IL21: variants seen among roughly 807,000 people sequenced by gnomAD.
The protein encoded by IL21 is interleukin-21.
IL21 carries 3 observed loss-of-function variants against 18.4 expected under a neutral mutation model. That is an observed-to-expected ratio of 0.16 (90% confidence interval 0.07 to 0.42). The LOEUF (loss-of-function observed/expected upper bound fraction) is 0.42. Ranked by LOEUF, IL21 falls within the 10% of genes least tolerant of loss-of-function variation. The pLI, the probability that IL21 is intolerant of heterozygous loss-of-function variation, is 0.99. For synonymous variants in IL21, 37 were observed against 62.0 expected (o/e 0.60, Z 1.90); for missense variants, 130 against 188.4 (o/e 0.69, Z 1.81).
rs1255423464 is a variant in IL21, at chr4:122,612,008, A to T, written c.*702T>A. On this transcript the variant is annotated 3_prime_UTR_variant, in exon 5 of 5. Coordinates refer to ENST00000648588, the MANE Select transcript of IL21 (RefSeq NM_021803.4). ...GCTTAAAATGTTAGCTTATAAGGGG[A>T]CTGGGGGCTGGAGGAAGGTAATATT... Among the ~76,000 whole-genome samples the T allele has an allele frequency of 6.6e-6, 1 of 152,054 alleles. No individual in the cohort carries two copies. Among genetic ancestry groups the T allele is most frequent in the African/African-American group, 2.4e-5 (1 of 41,434 alleles).
In IL21 at chr4:122,620,973, G is replaced by A. The variant is rs768983768; in HGVS notation, c.39C>T (p.Ile13=). The A allele has an allele frequency of 1.9e-6, 3 of 1,613,902 alleles. No homozygotes were observed. The highest frequency in any genetic ancestry group is 2.5e-6 in the Non-Finnish European group (3 of 1,179,902). The change falls in exon 1 of 5, where the codon ATC becomes ATT. Residue 13 remains isoleucine, a synonymous_variant. Transcript: ENST00000648588. ...TCCCCAAGAAGATGACCATCAGACA[G>A]ATGACAATCCTCTCCATGTTGCCAG... ...SSPGNMERIV[I]CLMVIFLGTL...
chr4:122,614,732 ATTTAT>A (rs1159919227), intron 3 of IL21, among the ~76,000 whole-genome samples: 1 of 152,020 alleles, frequency 6.6e-6, no homozygotes, highest in African/African-American at 2.4e-5. Context: ...TTTGAGAGTA[ATTTAT>A]TTTATGTATT....
intron 3 of IL21, among the ~76,000 whole-genome samples, chr4:122,614,535 C>G (rs1372940049): frequency 2.0e-5 from 3 of 151,746 alleles, no homozygotes; most frequent in Non-Finnish European, 2.9e-5. Flanking sequence ...GGTGAAACCC[C>G]GGCACTACTA....
At chr4:122,617,047 T>C (rs961177717) in intron 2 of IL21, among the ~76,000 whole-genome samples, 2 of 152,204 alleles carry the variant, frequency 1.3e-5, no homozygotes, top group Non-Finnish European at 2.9e-5. Context: ...CCAACCCATA[T>C]GCTTACCCAA....
Position 122,612,637 on chromosome 4 carries a change from T to C in IL21, c.*73A>G, listed in dbSNP as rs182231594. 3.5e-4 allele frequency: 388 copies of C among 1,119,048 alleles called. 1 individual carries two copies. Among genetic ancestry groups the C allele is most frequent in the Admixed American group, 3.1e-3 (183 of 58,660 alleles). The allele number at this position is 1,119,048 out of a possible 1,614,324, so 69.3% of individuals were successfully genotyped here. Reference sequence around the variant, plus strand: ...TCGCTAATATATTGTACTCCTCCACTTGGAATACAAAGAAATGACTTTCAC... The same window carrying C: ...TCGCTAATATATTGTACTCCTCCACCTGGAATACAAAGAAATGACTTTCAC... On this transcript the variant is annotated 3_prime_UTR_variant, in exon 5 of 5. Transcript: ENST00000648588.
At chr4:122,616,207 G>A (rs1578436850) in intron 2 of IL21, among the ~76,000 whole-genome samples, 1 of 152,172 alleles carries the variant, frequency 6.6e-6, no homozygotes, top group East Asian at 1.9e-4. Context: ...ACTAGTGGCA[G>A]CTTTGGGTAA....
rs375465464 is a variant in IL21, at chr4:122,615,292, C to T, written c.360+390G>A. On this transcript the variant is annotated intron_variant, in intron 3 of 4. Coordinates refer to ENST00000648588, the MANE Select transcript of IL21 (RefSeq NM_021803.4). ...ATCCCCACACTTTGGGAGGCCAAGG[C>T]GGGCGGATCACGGGGTCAGGAGATC... Among the ~76,000 whole-genome samples the T allele has an allele frequency of 1.9e-4, 29 of 152,272 alleles. No homozygotes were observed. In the East Asian group the frequency reaches 3.1e-3, roughly 16 times the overall value.
intron 2 of IL21, among the ~76,000 whole-genome samples, chr4:122,618,531 G>C (rs1053016655): frequency 5.3e-5 from 8 of 152,096 alleles, no homozygotes; most frequent in African/African-American, 1.7e-4. Flanking sequence ...TCCTGGCTGG[G>C]TGCAGTGGCT....
intron 3 of IL21, among the ~76,000 whole-genome samples, chr4:122,614,910 G>A (rs1799316038): frequency 6.6e-6 from 1 of 152,100 alleles, no homozygotes; most frequent in Non-Finnish European, 1.5e-5. Context: ...TACTGACTCT[G>A]CTGATGTACA....
intron 2 of IL21, among the ~76,000 whole-genome samples, chr4:122,618,418 A>G (rs1799370575): frequency 6.6e-6 from 1 of 152,066 alleles, no homozygotes; most frequent in Admixed American, 6.5e-5. Context: ...GGCAGGAGCC[A>G]CTTCACCCAG....
intron 3 of IL21, among the ~76,000 whole-genome samples, chr4:122,615,453 G>A (rs1364666155): frequency 3.9e-5 from 6 of 151,962 alleles, no homozygotes; most frequent in Non-Finnish European, 5.9e-5. Flanking sequence ...GCGTGAAACC[G>A]GGAGGTGGAT....
At position 122,620,899 on chromosome 4, in the gene IL21, C is replaced by G; in HGVS notation, c.113G>C (p.Arg38Thr). The G allele has an allele frequency of 6.2e-7, 1 of 1,614,070 alleles. No homozygotes were observed. Among genetic ancestry groups the G allele is most frequent in the African/African-American group, 1.3e-5 (1 of 75,042 alleles). Reference protein sequence around the residue: ...SSQGQDRHMIRMRQLIDIVDQ... With the variant: ...SSQGQDRHMITMRQLIDIVDQ... ...AACAATATCTATAAGTTGACGCATT[C>G]TAATCATGTGGCGATCTTGACCTTG... Residue 38 changes from arginine to threonine, a missense_variant, in exon 1 of 5, where the codon AGA (arginine) becomes ACA (threonine). By Grantham distance (71) the Arg-to-Thr change is moderately conservative (BLOSUM62 -1). Coordinates refer to ENST00000648588, the MANE Select transcript of IL21 (RefSeq NM_021803.4).
At chr4:122,620,785 T>C in intron 1 of IL21, 49 bp from the exon 2 acceptor site, 1 of 1,611,304 alleles carries the variant, frequency 6.2e-7, no homozygotes, top group Non-Finnish European at 8.5e-7. Flanking sequence ...AGCCAAACCC[T>C]CCTTTTATAT....
At chr4:122,619,017 C>T (rs959846032) in intron 2 of IL21, 6 of 151,760 alleles carry the variant, frequency 4.0e-5, no homozygotes, top group Admixed American at 3.9e-4. Flanking sequence ...AGTGTGACAA[C>T]CAGAAATTTT....
intron 2 of IL21, among the ~76,000 whole-genome samples, chr4:122,617,878 C>T (rs757789587): frequency 9.9e-5 from 15 of 152,130 alleles, no homozygotes; most frequent in Non-Finnish European, 1.3e-4. Context: ...AGAGGGCTGT[C>T]GCCACTAAAC....
rs529460894 is a variant in IL21, at chr4:122,616,850, T to C, written c.205-1013A>G. 5.3e-5 allele frequency among the ~76,000 whole-genome samples: 8 copies of C among 152,348 alleles called. No individual in the cohort carries two copies. In the East Asian group the frequency reaches 1.5e-3, roughly 29 times the overall value. ...TTTTTTCTTTCAGCAAACGTGTGTA[T>C]GTGATGCTATTTTCCCCCTGAAGTT... On this transcript the variant is annotated intron_variant, in intron 2 of 4. Transcript: ENST00000648588.
At chr4:122,616,716 A>G (rs556182821) in intron 2 of IL21, among the ~76,000 whole-genome samples, 5 of 152,384 alleles carry the variant, frequency 3.3e-5, no homozygotes, top group African/African-American at 1.2e-4. Context: ...TAGCCATCAA[A>G]CTGGAAAGGA....
At chr4:122,614,017 C>T (rs1799301970) in intron 3 of IL21, among the ~76,000 whole-genome samples, 1 of 152,170 alleles carries the variant, frequency 6.6e-6, no homozygotes, top group African/African-American at 2.4e-5. Flanking sequence ...AGATACCAAA[C>T]ACCAAGCCAT....
At chr4:122,614,693 G>A (rs1330116605) in intron 3 of IL21, among the ~76,000 whole-genome samples, 1 of 151,950 alleles carries the variant, frequency 6.6e-6, no homozygotes, top group Non-Finnish European at 1.5e-5. Flanking sequence ...GCGACAGACT[G>A]AGACTCTGTC....
Sources: allele counts gnomAD v4.1 joint callset (sites outside exome capture counted in the v4.1 genomes callset), GRCh38; gene constraint gnomAD v4.1.1; transcripts MANE v1.5; gene names NCBI Gene and HGNC (gene_info 2026-07-23, HGNC 2026-07-21).